Variants in ZNF264 observed in about 807,000 individuals in gnomAD.
ZNF264 encodes the protein zinc finger protein 264.
Under a neutral mutation model 11.2 loss-of-function variants are expected in ZNF264, and 11 were observed. The ratio of observed to expected loss-of-function variants is 0.98; its 90% CI spans 0.62 to 1.63. The LOEUF (loss-of-function observed/expected upper bound fraction) is 1.63. Among genes scored for constraint, ZNF264 ranks in the 40% most tolerant of loss-of-function variants. ZNF264 has a pLI of 0.00. For synonymous variants in ZNF264, 309 were observed against 279.8 expected (o/e 1.10, Z -1.04); for missense variants, 752 against 768.1 (o/e 0.98, Z 0.25).
chr19:57,197,548 G>A (rs959346054), intron 2 of ZNF264, among the ~76,000 whole-genome samples: 2 of 151,864 alleles, frequency 1.3e-5, no homozygotes, highest in Non-Finnish European at 2.9e-5. Context: ...GGGTCTTAGG[G>A]GCCAAGTGGC....
In ZNF264 at chr19:57,215,223, A is replaced by G. The variant is rs2087371437; in HGVS notation, c.*2242A>G. 1 of 152,118 alleles carries G rather than the reference A, an allele frequency of 6.6e-6. No individual in the cohort carries two copies. 9.4% of individuals were successfully genotyped at this position (152,118 alleles called of 1,614,324 possible). On this transcript the variant is annotated 3_prime_UTR_variant, in exon 4 of 4. Transcript: ENST00000263095. ...TTTCTTCTGGAGGCTTTTAAATTAC[A>G]TATTTATTTTATTGGATAGGTAGAA...
At position 57,212,245 on chromosome 19, in the gene ZNF264, G is replaced by C. The variant is rs758189017; in HGVS notation, c.1148G>C (p.Ser383Thr). The C allele has an allele frequency of 5.0e-6, 8 of 1,614,094 alleles. No individual in the cohort carries two copies. In the East Asian group the frequency reaches 1.3e-4, roughly 27 times the overall value. The change falls in exon 4 of 4, where the codon AGT becomes ACT. Residue 383 changes from serine to threonine, a missense_variant. Physicochemically the swap from Ser to Thr is moderately conservative, Grantham distance 58 (BLOSUM62 1). Transcript: ENST00000263095. ...CSECGKVFLE[S>T]AALIHHYVIH... Reference sequence around the variant, plus strand: ...GAATGTGGGAAGGTCTTCTTGGAGAGTGCAGCCCTGATTCACCACTATGTC... The same window carrying C: ...GAATGTGGGAAGGTCTTCTTGGAGACTGCAGCCCTGATTCACCACTATGTC...
chr19:57,219,428 T>C lies in ZNF264; in HGVS notation c.*6447T>C, dbSNP rs1484060571. The stretch of plus-strand genomic sequence containing the variant: ...CCGCTTGTCCATCAGTCTCTGCCCA[T>C]TTCTTCTGTCTCCCACAGACATGGT... On this transcript the variant is annotated 3_prime_UTR_variant, in exon 4 of 4. Transcript: ENST00000263095. The C allele has an allele frequency of 6.6e-6, 1 of 152,366 alleles. No individual in the cohort carries two copies. Among genetic ancestry groups the C allele is most frequent in the Non-Finnish European group, 1.5e-5 (1 of 68,172 alleles). 9.4% of individuals were successfully genotyped at this position (152,366 alleles called of 1,614,324 possible).
At chr19:57,204,103 T>C (rs112520601) in intron 2 of ZNF264, among the ~76,000 whole-genome samples, 6,412 of 151,300 alleles carry the variant, frequency 0.042, 465 homozygotes, top group African/African-American at 0.15. Flanking sequence ...AGGAGAATGG[T>C]GTGAACCCGG....
rs182470077 is a variant in ZNF264, at chr19:57,205,329, A to G, written c.161-68A>G. The G allele has an allele frequency of 9.3e-4, 1,357 of 1,466,314 alleles. 7 individuals carry two copies. The African/African-American group carries it at 0.015, about 17-fold the overall frequency. 90.8% of individuals were successfully genotyped at this position (1,466,314 alleles called of 1,614,324 possible). A position where few individuals can be genotyped will look rare whatever the true frequency, so the allele number is the denominator to read the frequency against. On this transcript the variant is annotated intron_variant, in intron 2 of 3. Transcript: ENST00000263095. ...GTCTGGTCTCCATCCTGAAGTCCCA[A>G]ACTAGATTGAAGGTCTTTATTTCTT...
At chr19:57,206,692 T>G (rs34201246) in intron 3 of ZNF264, among the ~76,000 whole-genome samples, 27,240 of 151,930 alleles carry the variant, frequency 0.18, 2,885 homozygotes, top group Non-Finnish European at 0.24. Flanking sequence ...TTCTGAACTC[T>G]AGGGAATAGG....
rs533785054 is a variant in ZNF264, at chr19:57,204,946, C to T, written c.161-451C>T. ...TGCTCTTCAGCAAATCACTTTACTT[C>T]CTGATCCTGGGTTTCTTTGTCAATA... On this transcript the variant is annotated intron_variant, in intron 2 of 3. Coordinates refer to ENST00000263095, the MANE Select transcript of ZNF264 (RefSeq NM_003417.5). Among the ~76,000 whole-genome samples, 110 of 152,256 alleles carry T rather than the reference C, an allele frequency of 7.2e-4. 1 individual carries two copies. The highest frequency in any genetic ancestry group is 6.8e-3 in the Middle Eastern group (2 of 294).
chr19:57,209,038 T>C (rs1331603825), intron 3 of ZNF264, among the ~76,000 whole-genome samples: 2 of 152,180 alleles, frequency 1.3e-5, no homozygotes. Flanking sequence ...CTTTCACTGC[T>C]TGGTAGGGGT....
Position 57,212,794 on chromosome 19 carries a change from C to T in ZNF264, c.1697C>T (p.Pro566Leu). ...CAAAGGATGCATACTGGGAAAAATC[C>T]CATCAGTGTAACAGATGTGGGAAGA... ...QHQRMHTGKN[P>L]ISVTDVGRPF... The change falls in exon 4 of 4, where the codon CCC becomes CTC. Residue 566 changes from proline (P) to leucine (L), a missense_variant. Coordinates refer to ENST00000263095, the MANE Select transcript of ZNF264 (RefSeq NM_003417.5). 2 of 1,614,078 alleles carry T rather than the reference C, an allele frequency of 1.2e-6. No homozygotes were observed. The highest frequency in any genetic ancestry group is 1.7e-6 in the Non-Finnish European group (2 of 1,179,930).
chr19:57,195,514 T>C (rs1461690262), intron 2 of ZNF264, among the ~76,000 whole-genome samples: 3 of 152,166 alleles, frequency 2.0e-5, no homozygotes, highest in African/African-American at 7.2e-5. Context: ...TTTTTCCTGG[T>C]GGAGTGACCC....
rs192744643 is a variant in ZNF264, at chr19:57,192,029, C to T, written c.33+83C>T. On this transcript the variant is annotated intron_variant, in intron 1 of 3. Coordinates refer to ENST00000263095, the MANE Select transcript of ZNF264 (RefSeq NM_003417.5). Reference sequence around the variant, plus strand: ...GAAGTGGGTGGGAGCCCAGGTATCCCCTGGATTTGTCTTCGCAGTCGTCGT... The same window carrying T: ...GAAGTGGGTGGGAGCCCAGGTATCCTCTGGATTTGTCTTCGCAGTCGTCGT... 1.2e-5 allele frequency: 15 copies of T among 1,297,584 alleles called. No homozygotes were observed. The Admixed American group carries it at 3.2e-4, about 27-fold the overall frequency. The allele number at this position is 1,297,584 out of a possible 1,614,324, so 80.4% of individuals were successfully genotyped here.
chr19:57,202,388 C>T (rs898794399), intron 2 of ZNF264, among the ~76,000 whole-genome samples: 2 of 151,872 alleles, frequency 1.3e-5, no homozygotes, highest in African/African-American at 4.9e-5. Flanking sequence ...AAGCCTTTAA[C>T]TGGGTGTGGT....
At position 57,214,378 on chromosome 19, in the gene ZNF264, C is replaced by G. The variant is rs562083173; in HGVS notation, c.*1397C>G. 6.6e-6 allele frequency: 1 copy of G among 152,476 alleles called. No individual in the cohort carries two copies. The highest frequency in any genetic ancestry group is 6.5e-5 in the Admixed American group (1 of 15,292). The allele number at this position is 152,476 out of a possible 1,614,324, so 9.4% of individuals were successfully genotyped here. ...TTTTTGTTTGAGACAGGGTCTCGCT[C>G]TGTCACCCAGGCTGGAGTGCAGTGG... On this transcript the variant is annotated 3_prime_UTR_variant, in exon 4 of 4. Coordinates refer to ENST00000263095, the MANE Select transcript of ZNF264 (RefSeq NM_003417.5).
At chr19:57,192,001 T>C (rs7250511) in intron 1 of ZNF264, 55 bp downstream of exon 1, 671,462 of 1,455,042 alleles carry the variant, frequency 0.46, 160,656 homozygotes, top group African/African-American at 0.79. Context: ...TGAGGCGGTT[T>C]CCGAAGTGGG....
Position 57,212,702 on chromosome 19 carries a change from A to G in ZNF264, c.1605A>G (p.Gly535=). The G allele has an allele frequency of 2.5e-6, 4 of 1,614,094 alleles. No homozygotes were observed. Among genetic ancestry groups the G allele is most frequent in the Non-Finnish European group, 3.4e-6 (4 of 1,180,008 alleles). The change falls in exon 4 of 4, where the codon GGA becomes GGG. Residue 535 remains glycine, a synonymous_variant. Transcript: ENST00000263095. ...NLIRHAIIHT[G]EKPYKCSECG... is the part of the protein sequence containing the mutation. ...TTCGACATGCCATTATCCACACTGGAGAGAAGCCCTATAAATGTAGTGAAT... is the reference window on the plus strand; with the variant it reads ...TTCGACATGCCATTATCCACACTGGGGAGAAGCCCTATAAATGTAGTGAAT...
rs1364027075 is a variant in ZNF264, at chr19:57,212,088, C to T, written c.991C>T (p.Leu331Phe). The change falls in exon 4 of 4, where the codon CTC (leucine) becomes TTC (phenylalanine). Residue 331 changes from leucine (L) to phenylalanine (F), a missense_variant. Physicochemically the swap from Leu to Phe is conservative, Grantham distance 22 (BLOSUM62 0). Coordinates refer to ENST00000263095, the MANE Select transcript of ZNF264 (RefSeq NM_003417.5). ...AGTCTTTCGACATAGGCCAGGCTTT[C>T]TCCGGCACTATGTTGTCCACAGTGG... Reference protein sequence around the residue: ...GQVFRHRPGFLRHYVVHSGEN... With the variant: ...GQVFRHRPGFFRHYVVHSGEN... 4.3e-6 allele frequency: 7 copies of T among 1,614,050 alleles called. 1 individual carries two copies. In the African/African-American group the frequency reaches 5.3e-5, roughly 12 times the overall value.
rs2122779915 is a variant in ZNF264 at position 57,219,670 on chromosome 19, A to G, written c.*6689A>G. 1 of 152,244 alleles carries G rather than the reference A, an allele frequency of 6.6e-6. No individual in the cohort carries two copies. Among genetic ancestry groups the G allele is most frequent in the Non-Finnish European group, 1.5e-5 (1 of 68,030 alleles). The allele number at this position is 152,244 out of a possible 1,614,324, so 9.4% of individuals were successfully genotyped here. ...TGTGTCTTCCTTCCAACTCTTAAAC[A>G]TTTTTGTTTCCCAGAATCCATCATT... is the stretch of plus-strand genomic sequence containing the variant. On this transcript the variant is annotated 3_prime_UTR_variant, in exon 4 of 4. Coordinates refer to ENST00000263095, the MANE Select transcript of ZNF264 (RefSeq NM_003417.5).
chr19:57,207,685 A>T (rs2087303657), intron 3 of ZNF264, among the ~76,000 whole-genome samples: 1 of 146,716 alleles, frequency 6.8e-6, no homozygotes, highest in South Asian at 2.2e-4. Flanking sequence ...ACACCCGGCT[A>T]ATTTTTGTGG....
chr19:57,192,270 A>C (rs1192415216), intron 1 of ZNF264: 9 of 927,544 alleles, frequency 9.7e-6, no homozygotes, highest in Non-Finnish European at 1.2e-5. Context: ...GGGCAGTAGC[A>C]AGCCGACAAA....
Sources: gnomAD v4.1 joint callset for allele counts (sites outside exome capture counted in the v4.1 genomes callset) on GRCh38, gnomAD v4.1.1 for gene constraint, MANE v1.5 for transcripts, NCBI Gene and HGNC (gene_info 2026-07-23, HGNC 2026-07-21) for gene names.